PPFIA2: variants seen among roughly 807,000 people sequenced by gnomAD.
PPFIA2 encodes the protein liprin-alpha-2.
Under a neutral mutation model 175.5 loss-of-function variants are expected in PPFIA2, and 46 were observed. The observed-to-expected ratio is 0.26, with a 90% confidence interval of 0.21 to 0.34. PPFIA2 has a LOEUF of 0.34. Among genes scored for constraint, PPFIA2 ranks in the 10% least tolerant of loss-of-function variants. The probability of loss-of-function intolerance (pLI) is 1.00; values close to 1 mark genes in which losing one functional copy is unlikely to be tolerated. For synonymous variants in PPFIA2, 568 were observed against 511.4 expected (o/e 1.11, Z -1.49); for missense variants, 1,179 against 1,506.1 (o/e 0.78, Z 3.60).
At position 81,339,303 on chromosome 12, in the gene PPFIA2, G is replaced by C; in HGVS notation, c.2425C>G (p.Leu809Val). 23 of 1,604,982 alleles carry C rather than the reference G, an allele frequency of 1.4e-5. No homozygotes were observed. The highest frequency in any genetic ancestry group is 2.0e-5 in the Non-Finnish European group (23 of 1,175,940). The change falls in exon 21 of 33, where the codon CTC (leucine) becomes GTC (valine). Residue 809 changes from leucine (L) to valine (V), a missense_variant. By Grantham distance (32) the Leu-to-Val change is conservative. Transcript: ENST00000549396. ...SLSVSLEPES[L>V]GLGSANSSQD... The stretch of plus-strand genomic sequence containing the variant: ...CTGCTGTTGGCACTACCAAGCCCGA[G>C]GCTTTCTGGCTCAAGAGAGACAGAT...
In PPFIA2 at chr12:81,277,400, T is replaced by C. The variant is rs1291051179; in HGVS notation, c.3227A>G (p.Tyr1076Cys). The change falls in exon 28 of 33, where the codon TAT (tyrosine) becomes TGT (cysteine). Residue 1076 changes from tyrosine to cysteine, a missense_variant. Tyr to Cys is a radical substitution (Grantham distance 194). Coordinates refer to ENST00000549396, the MANE Select transcript of PPFIA2 (RefSeq NM_003625.5). Reference protein sequence around the residue: ...VDSFHRTSLQYGIMCLKRLNY... With the variant: ...VDSFHRTSLQCGIMCLKRLNY... Reference sequence around the variant, plus strand: ...CAACCTCTTTAAGCACATAATTCCATATTGTAAACTTGTTCTTTTTTTTTT... The same window carrying C: ...CAACCTCTTTAAGCACATAATTCCACATTGTAAACTTGTTCTTTTTTTTTT... 2 of 1,511,596 alleles carry C rather than the reference T, an allele frequency of 1.3e-6. No homozygotes were observed. Among genetic ancestry groups the C allele is most frequent in the Non-Finnish European group, 1.8e-6 (2 of 1,135,146 alleles). The allele number at this position is 1,511,596 out of a possible 1,614,324, so 93.6% of individuals were successfully genotyped here.
At chr12:81,287,485 T>C (rs2043755631) in intron 24 of PPFIA2, among the ~76,000 whole-genome samples, 1 of 151,916 alleles carries the variant, frequency 6.6e-6, no homozygotes, top group Non-Finnish European at 1.5e-5. Flanking sequence ...ACTGGCAAAC[T>C]TTCAGAAGTT....
chr12:81,756,140 C>G (rs1366449905), intron 2 of PPFIA2, among the ~76,000 whole-genome samples: 1 of 151,976 alleles, frequency 6.6e-6, no homozygotes, highest in Non-Finnish European at 1.5e-5. Context: ...AAATGATTAC[C>G]AGGAGCCAAT....
At chr12:81,365,650 C>T (rs1413383568) in intron 14 of PPFIA2, among the ~76,000 whole-genome samples, 5 of 151,538 alleles carry the variant, frequency 3.3e-5, no homozygotes, top group East Asian at 1.9e-4. Context: ...TTCTTTGTGC[C>T]GTTGCAGAGG....
At chr12:81,409,452 T>A (rs2043516662) in intron 7 of PPFIA2, among the ~76,000 whole-genome samples, 3 of 152,120 alleles carry the variant, frequency 2.0e-5, no homozygotes, top group Admixed American at 6.6e-5. Flanking sequence ...TGGAGTGGGT[T>A]ATTTATCATT....
chr12:81,493,712 A>G (rs898374875), intron 4 of PPFIA2, among the ~76,000 whole-genome samples: 7 of 147,582 alleles, frequency 4.7e-5, no homozygotes, highest in Non-Finnish European at 7.5e-5. Context: ...AGTAGCACAG[A>G]TGGAATTGAG....
At chr12:81,390,250 T>C (rs545945720) in intron 8 of PPFIA2, among the ~76,000 whole-genome samples, 1 of 152,210 alleles carries the variant, frequency 6.6e-6, no homozygotes, top group South Asian at 2.1e-4. Flanking sequence ...TGAACTTTTG[T>C]GTATAAGTCT....
At chr12:81,696,662 T>C (rs891868885) in intron 3 of PPFIA2, among the ~76,000 whole-genome samples, 6 of 152,108 alleles carry the variant, frequency 3.9e-5, no homozygotes, top group African/African-American at 9.7e-5. Flanking sequence ...AGCGAAACTT[T>C]TTCTTTATTA....
intron 22 of PPFIA2, among the ~76,000 whole-genome samples, chr12:81,316,100 A>G (rs1175501976): frequency 1.3e-5 from 2 of 151,502 alleles, no homozygotes; most frequent in African/African-American, 4.8e-5. Flanking sequence ...CTACGAAAAT[A>G]TACTTAATAC....
chr12:81,662,303 G>A (rs1406078081), intron 4 of PPFIA2, among the ~76,000 whole-genome samples: 1 of 152,092 alleles, frequency 6.6e-6, no homozygotes, highest in African/African-American at 2.4e-5. Context: ...TAGACCACTA[G>A]CAAGACTAAT....
At chr12:81,540,716 C>G (rs1012560683) in intron 4 of PPFIA2, among the ~76,000 whole-genome samples, 1 of 151,870 alleles carries the variant, frequency 6.6e-6, no homozygotes, top group Admixed American at 6.6e-5. Context: ...AATTCATATA[C>G]TTAAATAATT....
At chr12:81,533,540 C>A (rs1315399734) in intron 4 of PPFIA2, among the ~76,000 whole-genome samples, 1 of 151,374 alleles carries the variant, frequency 6.6e-6, no homozygotes, top group East Asian at 1.9e-4. Context: ...TTTGAAAATT[C>A]GTGAATTTTG....
intron 15 of PPFIA2, among the ~76,000 whole-genome samples, chr12:81,360,582 A>T (rs1173281555): frequency 6.6e-6 from 1 of 151,682 alleles, no homozygotes; most frequent in African/African-American, 2.4e-5. Flanking sequence ...TTAAGAGAGA[A>T]GAGTGGTCAC....
intron 4 of PPFIA2, among the ~76,000 whole-genome samples, chr12:81,554,668 G>T (rs2068529004): frequency 6.6e-6 from 1 of 152,020 alleles, no homozygotes; most frequent in Non-Finnish European, 1.5e-5. Flanking sequence ...AAGCAACAAG[G>T]GGAGTTTGAG....
intron 21 of PPFIA2, among the ~76,000 whole-genome samples, chr12:81,335,673 G>A (rs1314948688): frequency 6.6e-6 from 1 of 152,064 alleles, no homozygotes; most frequent in Non-Finnish European, 1.5e-5. Flanking sequence ...GAACTGGGAG[G>A]CGGAGGTTGC....
chr12:81,563,524 A>G (rs1294148322), intron 4 of PPFIA2, among the ~76,000 whole-genome samples: 4 of 152,138 alleles, frequency 2.6e-5, no homozygotes, highest in African/African-American at 4.8e-5. Flanking sequence ...TAAATCCAAA[A>G]TCCTCTTCTT....
chr12:81,447,688 C>T (rs1015074091), intron 5 of PPFIA2, among the ~76,000 whole-genome samples: 1 of 152,192 alleles, frequency 6.6e-6, no homozygotes, highest in Non-Finnish European at 1.5e-5. Flanking sequence ...GCAATAAAAG[C>T]TCCATGAGAG....
chr12:81,381,344 T>A (rs2037652708), intron 9 of PPFIA2, among the ~76,000 whole-genome samples: 1 of 152,142 alleles, frequency 6.6e-6, no homozygotes, highest in South Asian at 2.1e-4. Flanking sequence ...GAGTGACATT[T>A]TCCATCTGAC....
intron 4 of PPFIA2, among the ~76,000 whole-genome samples, chr12:81,561,516 C>A (rs181763312): frequency 9.1e-4 from 138 of 151,950 alleles, no homozygotes; most frequent in Admixed American, 2.7e-3. Context: ...GAGTCCCCCC[C>A]CAAAAAAAAC....
Sources: allele counts gnomAD v4.1 joint callset (sites outside exome capture counted in the v4.1 genomes callset), GRCh38; gene constraint gnomAD v4.1.1; transcripts MANE v1.5; gene names NCBI Gene and HGNC (gene_info 2026-07-23, HGNC 2026-07-21).